Variants in FOCAD observed in about 807,000 individuals in gnomAD.
The protein encoded by FOCAD is focadhesin.
A neutral mutation model predicts 225.6 loss-of-function variants in FOCAD; 198 were observed. That is an observed-to-expected ratio of 0.88 (90% confidence interval 0.78 to 0.99). The LOEUF is 0.99. FOCAD is among the 50% of genes least tolerant of loss of function. The pLI, the probability that FOCAD is intolerant of heterozygous loss-of-function variation, is 0.00. For missense variants in FOCAD, 2,713 were observed against 2,123.6 expected, an observed-to-expected ratio of 1.28 and a Z score of -5.46; for synonymous variants, 897 against 755.0, an observed-to-expected ratio of 1.19 and a Z score of -3.08.
chr9:20,736,111 A>G (rs1827138958), intron 4 of FOCAD, among the ~76,000 whole-genome samples: 1 of 152,146 alleles, frequency 6.6e-6, no homozygotes, highest in African/African-American at 2.4e-5. Flanking sequence ...GCATTGCTTC[A>G]TTCAGTTTTG....
At chr9:20,700,386 G>A (rs1057167486) in intron 1 of FOCAD, among the ~76,000 whole-genome samples, 2 of 151,202 alleles carry the variant, frequency 1.3e-5, no homozygotes, top group Admixed American at 6.6e-5. Flanking sequence ...GCTTTTACAT[G>A]TGTTCTTTGA....
chr9:20,893,046 A>G (rs1831760286), intron 21 of FOCAD, among the ~76,000 whole-genome samples: 1 of 152,010 alleles, frequency 6.6e-6, no homozygotes, highest in Non-Finnish European at 1.5e-5. Context: ...ATAGGACCTC[A>G]CTATGTTGCC....
chr9:20,960,162 T>C (rs1294634211), intron 35 of FOCAD, among the ~76,000 whole-genome samples: 3 of 152,220 alleles, frequency 2.0e-5, no homozygotes, highest in Non-Finnish European at 4.4e-5. Context: ...TTCTGTGACT[T>C]CTTGACTTTA....
intron 22 of FOCAD, among the ~76,000 whole-genome samples, chr9:20,912,157 G>T (rs1375681946): frequency 1.3e-5 from 2 of 151,586 alleles, no homozygotes; most frequent in Non-Finnish European, 2.9e-5. Flanking sequence ...CCAAGTTAGG[G>T]CCCATCAACA....
At chr9:20,894,640 G>T (rs148149864) in intron 21 of FOCAD, among the ~76,000 whole-genome samples, 19 of 152,088 alleles carry the variant, frequency 1.2e-4, no homozygotes, top group Admixed American at 2.0e-4. Context: ...TTTTATCTGT[G>T]TGTCTATTTC....
chr9:20,794,310 A>G (rs1820838491), intron 11 of FOCAD, among the ~76,000 whole-genome samples: 1 of 152,210 alleles, frequency 6.6e-6, no homozygotes, highest in South Asian at 2.1e-4. Flanking sequence ...AGAAATTTGA[A>G]AGCAAGAGAT....
Position 20,781,937 on chromosome 9 carries a change from A to C in FOCAD, c.1197+8A>C, listed in dbSNP as rs373527494. ...AGAGATGACCACCAAAAGGTAATGAATCTATCCTTGTTTCTCTTAAATAAA... is the reference window on the plus strand; with the variant it reads ...AGAGATGACCACCAAAAGGTAATGACTCTATCCTTGTTTCTCTTAAATAAA... On this transcript the variant is annotated splice_region_variant and intron_variant, in intron 10 of 43. Coordinates refer to ENST00000338382, the MANE Select transcript of FOCAD (RefSeq NM_001375567.1). The C allele has an allele frequency of 1.2e-6, 2 of 1,611,942 alleles. No individual in the cohort carries two copies. Among genetic ancestry groups the C allele is most frequent in the Middle Eastern group, 3.3e-4 (2 of 5,982 alleles).
chr9:20,685,404 A>G (rs189883147), intron 1 of FOCAD, among the ~76,000 whole-genome samples: 313 of 152,294 alleles, frequency 2.1e-3, no homozygotes, highest in African/African-American at 6.8e-3. Context: ...GGAAGTAACT[A>G]TTTTAAAAAC....
chr9:20,747,071 A>G (rs7043296), intron 5 of FOCAD, among the ~76,000 whole-genome samples: 120,775 of 152,060 alleles, frequency 0.79, 48,317 homozygotes, highest in Admixed American at 0.86. Flanking sequence ...ACTAATAAGC[A>G]ATCTGTGGGG....
intron 16 of FOCAD, among the ~76,000 whole-genome samples, chr9:20,863,889 G>T (rs149966111): frequency 1.3e-4 from 20 of 152,180 alleles, no homozygotes; most frequent in Admixed American, 7.9e-4. Flanking sequence ...GAATTGGCTG[G>T]TGTGTTGGTT....
Position 20,885,031 on chromosome 9 carries a change from C to T in FOCAD, c.2504-78C>T, listed in dbSNP as rs529231360. ...CTGAGATTGCACCACTGCACTCCAG[C>T]CTGGGCAACAGAGTGAGATTCTGTC... On this transcript the variant is annotated intron_variant, in intron 20 of 43. Coordinates refer to ENST00000338382, the MANE Select transcript of FOCAD (RefSeq NM_001375567.1). The T allele has an allele frequency of 2.2e-5, 20 of 894,590 alleles. No homozygotes were observed. In the South Asian group the frequency reaches 8.0e-4, roughly 36 times the overall value. 55.4% of individuals were successfully genotyped at this position (894,590 alleles called of 1,614,324 possible).
intron 14 of FOCAD, among the ~76,000 whole-genome samples, chr9:20,822,195 T>A (rs7854465): frequency 0.23 from 34,401 of 151,792 alleles, 3,962 homozygotes; most frequent in Non-Finnish European, 0.25. Flanking sequence ...GCTAACTTAT[T>A]TAGTATTCCT....
At position 20,948,345 on chromosome 9, in the gene FOCAD, C is replaced by T; in HGVS notation, c.3750C>T (p.Asp1250=). 1 of 1,612,454 alleles carries T rather than the reference C, an allele frequency of 6.2e-7. No homozygotes were observed. Among genetic ancestry groups the T allele is most frequent in the Non-Finnish European group, 8.5e-7 (1 of 1,178,952 alleles). The change falls in exon 31 of 44, where the codon GAC becomes GAT. Residue 1250 remains aspartate, a synonymous_variant. Coordinates refer to ENST00000338382, the MANE Select transcript of FOCAD (RefSeq NM_001375567.1). ...TGTGTGGACATGGAAAAGCTGAAGA[C>T]TTGGGCAGCAAACTACTCCCTGCCT... The part of the protein sequence containing the change: ...LSVCGHGKAE[D]LGSKLLPAWI...
intron 1 of FOCAD, among the ~76,000 whole-genome samples, chr9:20,701,320 A>G (rs1449765205): frequency 6.6e-6 from 1 of 151,984 alleles, no homozygotes; most frequent in Non-Finnish European, 1.5e-5. Context: ...TTACAAGTGA[A>G]CTCATGCACA....
At chr9:20,932,545 A>T (rs1835581180) in intron 27 of FOCAD, among the ~76,000 whole-genome samples, 1 of 152,072 alleles carries the variant, frequency 6.6e-6, no homozygotes, top group African/African-American at 2.4e-5. Context: ...AAAAGTAAGT[A>T]AAGGAATAGA....
intron 21 of FOCAD, among the ~76,000 whole-genome samples, chr9:20,886,959 G>T (rs1831150627): frequency 6.6e-6 from 1 of 152,184 alleles, no homozygotes; most frequent in Non-Finnish European, 1.5e-5. Context: ...ACAAGTAGAG[G>T]AGCCTGGAAA....
Position 20,946,796 on chromosome 9 carries a change from A to C in FOCAD, c.3651A>C (p.Arg1217=). Reference sequence around the variant, plus strand: ...CTGAGGATGTTATGAACAAGCTTCGACTGTTAGTGGAGAATAGCCAGCAGG... The same window carrying C: ...CTGAGGATGTTATGAACAAGCTTCGCCTGTTAGTGGAGAATAGCCAGCAGG... ...TEAEDVMNKL[R]LLVENSQQTS... Residue 1217 remains arginine, a synonymous_variant, in exon 30 of 44, where the codon CGA becomes CGC. Coordinates refer to ENST00000338382, the MANE Select transcript of FOCAD (RefSeq NM_001375567.1). 1 of 1,613,702 alleles carries C rather than the reference A, an allele frequency of 6.2e-7. No individual in the cohort carries two copies. The highest frequency in any genetic ancestry group is 8.5e-7 in the Non-Finnish European group (1 of 1,179,708).
At chr9:20,756,858 C>G (rs1300261628) in intron 5 of FOCAD, among the ~76,000 whole-genome samples, 1 of 152,072 alleles carries the variant, frequency 6.6e-6, no homozygotes, top group East Asian at 1.9e-4. Flanking sequence ...AAGACTAGCT[C>G]CGTGTATGTG....
chr9:20,861,091 C>T (rs1256299850), intron 15 of FOCAD, among the ~76,000 whole-genome samples: 1 of 152,176 alleles, frequency 6.6e-6, no homozygotes, highest in Non-Finnish European at 1.5e-5. Context: ...TTGATACCTT[C>T]CCTGATGACT....
Sources: allele counts gnomAD v4.1 joint callset (sites outside exome capture counted in the v4.1 genomes callset), GRCh38; gene constraint gnomAD v4.1.1; transcripts MANE v1.5; gene names NCBI Gene and HGNC (gene_info 2026-07-23, HGNC 2026-07-21).